Variants in AHI1 observed in about 807,000 individuals in gnomAD.
AHI1 encodes the protein jouberin.
A neutral mutation model predicts 149.3 loss-of-function variants in AHI1; 123 were observed. That is an observed-to-expected ratio of 0.82 (90% CI 0.71 to 0.96). The LOEUF is 0.96. Ranked by LOEUF, AHI1 falls within the 40% of genes least tolerant of loss-of-function variation. AHI1 has a pLI of 0.00. For missense variants in AHI1, 1,439 were observed against 1,422.7 expected (o/e 1.01, Z -0.18); for synonymous variants, 475 against 459.8 (o/e 1.03, Z -0.42).
At chr6:135,475,988 T>C (rs1261203786) in intron 5 of AHI1, among the ~76,000 whole-genome samples, 4 of 152,230 alleles carry the variant, frequency 2.6e-5, no homozygotes, top group Non-Finnish European at 4.4e-5. Flanking sequence ...ATACTCTTCT[T>C]ATTTCTATCC....
At chr6:135,377,295 T>C (rs898570428) in intron 23 of AHI1, among the ~76,000 whole-genome samples, 1 of 152,054 alleles carries the variant, frequency 6.6e-6, no homozygotes, top group African/African-American at 2.4e-5. Flanking sequence ...CAAAATAAAG[T>C]TGGGGAATAA....
At chr6:135,365,532 G>T (rs1041398300) in intron 23 of AHI1, among the ~76,000 whole-genome samples, 1 of 152,072 alleles carries the variant, frequency 6.6e-6, no homozygotes, top group Non-Finnish European at 1.5e-5. Context: ...CACCTCCTTG[G>T]TTAGGTACAT....
chr6:135,394,688 C>A, intron 23 of AHI1, 88 bp downstream of exon 23: 6 of 1,521,786 alleles, frequency 3.9e-6, no homozygotes, highest in Non-Finnish European at 5.4e-6. Flanking sequence ...CCATTATGAG[C>A]TTTATTTCTA....
intron 23 of AHI1, among the ~76,000 whole-genome samples, chr6:135,390,061 C>T (rs991970284): frequency 2.6e-5 from 4 of 151,784 alleles, no homozygotes; most frequent in South Asian, 2.1e-4. Flanking sequence ...TTAGTATTAG[C>T]GTATCTTATG....
At position 135,490,658 on chromosome 6, in the gene AHI1, T is replaced by C; in HGVS notation, c.100A>G (p.Lys34Glu). The change falls in exon 5 of 29, where the codon AAG becomes GAG. Residue 34 changes from lysine to glutamate, a missense_variant. Physicochemically the swap from Lys to Glu is moderately conservative, Grantham distance 56. Transcript: ENST00000265602. ...SDLMREKKKL[K>E]KKLVRSEENI... ...TCTTCAGACCTGACAAGTTTTTTCT[T>C]CAGTTTTTTCTTTTCACGCATTAGA... is the stretch of plus-strand genomic sequence containing the variant. 6.2e-7 allele frequency: 1 copy of C among 1,613,660 alleles called. No individual in the cohort carries two copies. Among genetic ancestry groups the C allele is most frequent in the Non-Finnish European group, 8.5e-7 (1 of 1,179,692 alleles).
intron 5 of AHI1, among the ~76,000 whole-genome samples, chr6:135,483,535 C>A (rs1380891293): frequency 6.6e-6 from 1 of 152,114 alleles, no homozygotes; most frequent in East Asian, 1.9e-4. Flanking sequence ...GAAATTTTGG[C>A]TCAACTATCC....
chr6:135,293,769 T>C (rs780646022), intron 27 of AHI1, among the ~76,000 whole-genome samples: 7 of 152,228 alleles, frequency 4.6e-5, no homozygotes, highest in Non-Finnish European at 8.8e-5. Flanking sequence ...TGTTAATGAC[T>C]CAGATGATTG....
At position 135,465,764 on chromosome 6, in the gene AHI1, T is replaced by C. The variant is rs764714191; in HGVS notation, c.749+50A>G. 4 of 1,380,830 alleles carry C rather than the reference T, an allele frequency of 2.9e-6. No homozygotes were observed. The African/African-American group carries it at 5.9e-5, about 20-fold the overall frequency. The allele number at this position is 1,380,830 out of a possible 1,614,324, so 85.5% of individuals were successfully genotyped here. On this transcript the variant is annotated intron_variant, in intron 7 of 28. Transcript: ENST00000265602. ...ACAGATAATATTCAAAACCTGAAAA[T>C]AACAGTGTTTTTCTAAGAGGATATT...
intron 24 of AHI1, among the ~76,000 whole-genome samples, chr6:135,346,480 G>C (rs1169536507): frequency 6.6e-6 from 1 of 152,134 alleles, no homozygotes; most frequent in East Asian, 1.9e-4. Flanking sequence ...GATTACAGGC[G>C]TGAGCCATCA....
intron 24 of AHI1, among the ~76,000 whole-genome samples, chr6:135,354,365 T>C (rs1185392652): frequency 2.0e-5 from 3 of 152,190 alleles, no homozygotes; most frequent in African/African-American, 7.2e-5. Flanking sequence ...AGAAATTATA[T>C]ATTCAGTATG....
chr6:135,381,695 T>A (rs1478778941), intron 23 of AHI1, among the ~76,000 whole-genome samples: 1 of 152,234 alleles, frequency 6.6e-6, no homozygotes, highest in African/African-American at 2.4e-5. Flanking sequence ...GGATGATACA[T>A]GTAATCGGAC....
chr6:135,320,430 G>T (rs9483827), intron 25 of AHI1, among the ~76,000 whole-genome samples: 2,393 of 152,296 alleles, frequency 0.016, 79 homozygotes, highest in African/African-American at 0.055. Flanking sequence ...CATCATGGAA[G>T]AAGAACAAAT....
intron 24 of AHI1, among the ~76,000 whole-genome samples, chr6:135,331,725 C>A (rs1278971371): frequency 6.6e-6 from 1 of 152,178 alleles, no homozygotes; most frequent in African/African-American, 2.4e-5. Flanking sequence ...AATAAATTCA[C>A]ACGCTTGAGC....
rs1562244264 is a variant in AHI1, at chr6:135,467,607, A to G, written c.163T>C (p.Tyr55His). ...SPDTIRSNLH[Y>H]MKETTSDDPD... Reference sequence around the variant, plus strand: ...TCATCACTTGTAGTTTCTTTCATATAGTGAAGATTGCTTCTAATAGTGTCA... The same window carrying G: ...TCATCACTTGTAGTTTCTTTCATATGGTGAAGATTGCTTCTAATAGTGTCA... Residue 55 changes from tyrosine (Y) to histidine (H), a missense_variant, in exon 6 of 29, where the codon TAT (tyrosine) becomes CAT (histidine). Physicochemically the swap from Tyr to His is moderately conservative, Grantham distance 83 (BLOSUM62 2). Coordinates refer to ENST00000265602, the MANE Select transcript of AHI1 (RefSeq NM_001134831.2). 3.1e-6 allele frequency: 5 copies of G among 1,609,508 alleles called. No homozygotes were observed. The highest frequency in any genetic ancestry group is 4.2e-6 in the Non-Finnish European group (5 of 1,176,810).
At chr6:135,379,186 T>C (rs1417661872) in intron 23 of AHI1, among the ~76,000 whole-genome samples, 2 of 152,214 alleles carry the variant, frequency 1.3e-5, no homozygotes, top group Non-Finnish European at 2.9e-5. Context: ...AAACTTAATA[T>C]ATCTAAAATA....
chr6:135,293,406 G>GAAAA (rs71547029), intron 27 of AHI1, among the ~76,000 whole-genome samples: 1 of 65,594 alleles, frequency 1.5e-5, no homozygotes, highest in African/African-American at 8.9e-5. Context: ...AAAAAAAAAA[G>GAAAA]AAAAAAAAAA....
chr6:135,316,076 A>G lies in AHI1; in HGVS notation c.3426+2443T>C, dbSNP rs1785905067. On this transcript the variant is annotated intron_variant, in intron 26 of 28. Transcript: ENST00000265602. The stretch of plus-strand genomic sequence containing the variant: ...AGAAAACAAAAAAACATCTCCAAAC[A>G]TTGCTAAATGACTCCTGGATGGCAC... Among the ~76,000 whole-genome samples the G allele has an allele frequency of 5.3e-5, 8 of 152,140 alleles. 1 individual carries two copies. The East Asian group carries it at 9.7e-4, about 18-fold the overall frequency.
rs75226607 is a variant in AHI1 at position 135,294,634 on chromosome 6, G to A, written c.3486-4109C>T. Among the ~76,000 whole-genome samples the A allele has an allele frequency of 3.6e-3, 513 of 142,930 alleles. 6 individuals are homozygous for A. The highest frequency in any genetic ancestry group is 0.013 in the African/African-American group (490 of 38,104). The allele number at this position is 142,930 out of a possible 152,430, so 93.8% of individuals were successfully genotyped here. A position where few individuals can be genotyped will look rare whatever the true frequency, so the allele number is the denominator to read the frequency against. ...AGCTGATTTCAGCAAAGGTGCAAAGGCCATTCAGTTGAGACAGAGTTGTTT... is the reference window on the plus strand; with the variant it reads ...AGCTGATTTCAGCAAAGGTGCAAAGACCATTCAGTTGAGACAGAGTTGTTT... On this transcript the variant is annotated intron_variant, in intron 27 of 28. Coordinates refer to ENST00000265602, the MANE Select transcript of AHI1 (RefSeq NM_001134831.2).
chr6:135,323,100 A>G (rs1787120914), intron 25 of AHI1, 62 bp downstream of exon 25: 1 of 1,469,020 alleles, frequency 6.8e-7, no homozygotes, highest in Admixed American at 2.3e-5. Context: ...CTAGAAAATG[A>G]TAAAATCTTG....
Sources: gnomAD v4.1 joint callset for allele counts (sites outside exome capture counted in the v4.1 genomes callset) on GRCh38, gnomAD v4.1.1 for gene constraint, MANE v1.5 for transcripts, NCBI Gene and HGNC (gene_info 2026-07-23, HGNC 2026-07-21) for gene names.